Variants in CCNK observed in about 807,000 individuals in gnomAD.
CCNK encodes the protein cyclin K.
A neutral mutation model predicts 65.0 loss-of-function variants in CCNK; 9 were observed. The ratio of observed to expected loss-of-function variants is 0.14; its 90% CI spans 0.08 to 0.24. The LOEUF (loss-of-function observed/expected upper bound fraction) is 0.24, where lower values mean the gene tolerates loss of function less well. CCNK is among the 10% of genes least tolerant of loss of function. The pLI is 1.00. For synonymous variants in CCNK, 279 were observed against 270.8 expected, an observed-to-expected ratio of 1.03 and a Z score of -0.30; for missense variants, 474 against 720.0, an observed-to-expected ratio of 0.66 and a Z score of 3.91.
intron 1 of CCNK, among the ~76,000 whole-genome samples, chr14:99,487,310 G>A (rs764386245): frequency 6.6e-6 from 1 of 152,130 alleles, no homozygotes; most frequent in South Asian, 2.1e-4. Flanking sequence ...CTCAGCTTTG[G>A]CACTATTGAC....
In CCNK at chr14:99,507,150, A is replaced by G; in HGVS notation, c.1117+3A>G. On this transcript the variant is annotated splice_donor_region_variant and intron_variant, in intron 10 of 10. Transcript: ENST00000389879. ...GCCTCCAGCCCACCCACCTCCAGGT[A>G]AGCATCTGCTGAAGCAGCTTGGCCA... 6.3e-6 allele frequency: 10 copies of G among 1,588,684 alleles called. No homozygotes were observed. The highest frequency in any genetic ancestry group is 1.7e-5 in the Admixed American group (1 of 59,996).
intron 6 of CCNK, chr14:99,501,750 C>G: frequency 7.2e-6 from 2 of 277,954 alleles, no homozygotes; most frequent in South Asian, 5.8e-5. Flanking sequence ...AGTTTTAGAG[C>G]CTTAACACTC....
At chr14:99,495,474 C>A in intron 3 of CCNK, 24 bp from the exon 4 acceptor site, 1 of 1,591,676 alleles carries the variant, frequency 6.3e-7, no homozygotes, top group Non-Finnish European at 8.5e-7. Context: ...TAACAAAAAT[C>A]AAGAACTTTT....
chr14:99,505,289 A>G (rs1228915989), intron 9 of CCNK: 1 of 152,280 alleles, frequency 6.6e-6, no homozygotes, highest in Admixed American at 6.5e-5. Context: ...GCAGATCCGG[A>G]GGAAGCTTTA....
intron 7 of CCNK, 80 bp from the exon 8 acceptor site, chr14:99,502,639 T>TC (rs1896862858): frequency 1.4e-6 from 2 of 1,380,540 alleles, no homozygotes; most frequent in African/African-American, 2.9e-5. Context: ...CGTAGGGGTA[T>TC]CATAACTGAT....
At chr14:99,498,787 C>T (rs1896756226) in intron 4 of CCNK, among the ~76,000 whole-genome samples, 1 of 152,074 alleles carries the variant, frequency 6.6e-6, no homozygotes, top group Non-Finnish European at 1.5e-5. Flanking sequence ...CCAGGCAAGT[C>T]CCCCGGATAA....
At chr14:99,489,323 A>G (rs1320993436) in intron 1 of CCNK, among the ~76,000 whole-genome samples, 1 of 152,196 alleles carries the variant, frequency 6.6e-6, no homozygotes, top group Non-Finnish European at 1.5e-5. Context: ...AATGTGTTTG[A>G]AAATTACAAC....
intron 2 of CCNK, 59 bp downstream of exon 2, chr14:99,492,933 T>C: frequency 7.4e-7 from 1 of 1,344,556 alleles, no homozygotes; most frequent in East Asian, 2.5e-5. Flanking sequence ...CACCAAGAAA[T>C]AATTAGATTC....
intron 9 of CCNK, 31 bp downstream of exon 9, chr14:99,503,675 T>G: frequency 6.5e-7 from 1 of 1,531,412 alleles, no homozygotes; most frequent in Non-Finnish European, 8.8e-7. Context: ...TTTTTTAGTT[T>G]TATGTGTTTA....
intron 4 of CCNK, among the ~76,000 whole-genome samples, chr14:99,498,895 G>A (rs1896759020): frequency 6.6e-6 from 1 of 152,130 alleles, no homozygotes; most frequent in Non-Finnish European, 1.5e-5. Flanking sequence ...GGGAGGGCAG[G>A]CCCTGGGCTA....
intron 10 of CCNK, chr14:99,509,825 G>T: frequency 5.2e-6 from 2 of 381,598 alleles, no homozygotes; most frequent in Non-Finnish European, 9.4e-6. Context: ...AAACAGAGGA[G>T]CCCCCACACG....
chr14:99,487,445 T>A (rs1195992789), intron 1 of CCNK, among the ~76,000 whole-genome samples: 1 of 152,068 alleles, frequency 6.6e-6, no homozygotes, highest in African/African-American at 2.4e-5. Flanking sequence ...AAACCAGAAG[T>A]GTCTTCAGAC....
chr14:99,492,641 A>G lies in CCNK; in HGVS notation c.-37A>G, dbSNP rs1896619304. The G allele has an allele frequency of 1.9e-6, 3 of 1,545,272 alleles. No homozygotes were observed. Among genetic ancestry groups the G allele is most frequent in the Non-Finnish European group, 2.6e-6 (3 of 1,144,422 alleles). On this transcript the variant is annotated 5_prime_UTR_variant, in exon 2 of 11. Transcript: ENST00000389879. The stretch of plus-strand genomic sequence containing the variant: ...TTTCTCATAGGATTCTAACATTTTC[A>G]GAGAACCTTTTGGAAAGAACAAGCC...
Position 99,510,784 on chromosome 14 carries a change from G to T in CCNK, c.*2G>T. 7.0e-7 allele frequency: 1 copy of T among 1,431,976 alleles called. No homozygotes were observed. The highest frequency in any genetic ancestry group is 2.6e-5 in the East Asian group (1 of 38,966). 88.7% of individuals were successfully genotyped at this position (1,431,976 alleles called of 1,614,324 possible). On this transcript the variant is annotated 3_prime_UTR_variant, in exon 11 of 11. Transcript: ENST00000389879. The stretch of plus-strand genomic sequence containing the variant: ...GGGCGGGCAGCCTGGATGAGATAAC[G>T]TGAGCCTTTTTTCCCTCTTTGTTTT...
chr14:99,507,347 C>A, intron 10 of CCNK, 200 bp downstream of exon 10: 1 of 571,112 alleles, frequency 1.8e-6, no homozygotes, highest in Admixed American at 3.0e-5. Flanking sequence ...GAGGCGGAGG[C>A]AGGAGAATCA....
chr14:99,503,205 A>G, intron 8 of CCNK: 6 of 693,474 alleles, frequency 8.7e-6, no homozygotes, highest in South Asian at 7.7e-5. Flanking sequence ...GCCCGGCTCC[A>G]GCCCTGCTGC....
At position 99,501,594 on chromosome 14, in the gene CCNK, C is replaced by T. The variant is rs1896826396; in HGVS notation, c.575+181C>T. 5 of 579,996 alleles carry T rather than the reference C, an allele frequency of 8.6e-6. No homozygotes were observed. The South Asian group carries it at 1.1e-4, about 13-fold the overall frequency. The allele number at this position is 579,996 out of a possible 1,614,324, so 35.9% of individuals were successfully genotyped here. Reference sequence around the variant, plus strand: ...TCATCTGCTTCCCGGCAGAGGGTTTCCTTCTGCCCTGCCGTGTCATGGTGT... The same window carrying T: ...TCATCTGCTTCCCGGCAGAGGGTTTTCTTCTGCCCTGCCGTGTCATGGTGT... On this transcript the variant is annotated intron_variant, in intron 6 of 10. Transcript: ENST00000389879.
At chr14:99,484,264 C>T (rs368202834) in intron 1 of CCNK, among the ~76,000 whole-genome samples, 42 of 152,358 alleles carry the variant, frequency 2.8e-4, no homozygotes, top group African/African-American at 9.6e-4. Flanking sequence ...TCCATTTTCT[C>T]AGTGATAAAT....
chr14:99,486,618 C>T (rs1287266217), intron 1 of CCNK, among the ~76,000 whole-genome samples: 1 of 152,220 alleles, frequency 6.6e-6, no homozygotes, highest in Non-Finnish European at 1.5e-5. Flanking sequence ...CCCTCCTTAT[C>T]AAAACCAGCT....
Sources: allele counts gnomAD v4.1 joint callset (sites outside exome capture counted in the v4.1 genomes callset), GRCh38; gene constraint gnomAD v4.1.1; transcripts MANE v1.5; gene names NCBI Gene and HGNC (gene_info 2026-07-23, HGNC 2026-07-21).